ST18: variants seen among roughly 807,000 people sequenced by gnomAD.
The protein encoded by ST18 is ST18 C2H2C-type zinc finger transcription factor.
Under a neutral mutation model 110.0 loss-of-function variants are expected in ST18, and 50 were observed. The observed-to-expected ratio is 0.45, with a 90% CI of 0.36 to 0.58. The LOEUF (loss-of-function observed/expected upper bound fraction) is 0.58. Among genes scored for constraint, ST18 ranks in the 20% least tolerant of loss-of-function variants. The pLI is 0.00. For synonymous variants in ST18, 461 were observed against 452.4 expected (o/e 1.02, Z -0.24); for missense variants, 1,306 against 1,280.1 (o/e 1.02, Z -0.31).
At chr8:52,366,335 T>C (rs73586635) in intron 2 of ST18, among the ~76,000 whole-genome samples, 2 of 152,228 alleles carry the variant, frequency 1.3e-5, no homozygotes, top group African/African-American at 4.8e-5. Context: ...GAGGCAGCTT[T>C]CTAAAACATA....
chr8:52,386,080 C>T (rs1406261116), intron 2 of ST18, among the ~76,000 whole-genome samples: 1 of 152,158 alleles, frequency 6.6e-6, no homozygotes, highest in Non-Finnish European at 1.5e-5. Flanking sequence ...TATACGCAGA[C>T]ATTGATTGTC....
At chr8:52,151,245 G>A (rs1449336725) in intron 15 of ST18, among the ~76,000 whole-genome samples, 1 of 151,918 alleles carries the variant, frequency 6.6e-6, no homozygotes, top group African/African-American at 2.4e-5. Context: ...AGCTGGGCTT[G>A]CTGCTTGTGC....
At chr8:52,341,566 G>A (rs568420082) in intron 2 of ST18, among the ~76,000 whole-genome samples, 5 of 152,302 alleles carry the variant, frequency 3.3e-5, no homozygotes, top group African/African-American at 1.2e-4. Flanking sequence ...CATCCAGGAG[G>A]GCCCAAGGTC....
At chr8:52,244,348 A>G (rs1223158520) in intron 2 of ST18, among the ~76,000 whole-genome samples, 1 of 152,210 alleles carries the variant, frequency 6.6e-6, no homozygotes, top group Non-Finnish European at 1.5e-5. Flanking sequence ...GGGATATTCT[A>G]TTAGTTCTGA....
intron 2 of ST18, among the ~76,000 whole-genome samples, chr8:52,346,151 A>G (rs1223450856): frequency 6.6e-6 from 1 of 151,338 alleles, no homozygotes; most frequent in Non-Finnish European, 1.5e-5. Context: ...GAAAAAGGCC[A>G]TATGTAAAAT....
chr8:52,207,634 G>A (rs560069087), intron 8 of ST18, among the ~76,000 whole-genome samples: 154 of 152,230 alleles, frequency 1.0e-3, no homozygotes, highest in Non-Finnish European at 2.0e-3. Flanking sequence ...ATAAAACAAA[G>A]AGAGAAACTT....
chr8:52,278,279 A>G (rs1356072977), intron 2 of ST18, among the ~76,000 whole-genome samples: 3 of 152,240 alleles, frequency 2.0e-5, no homozygotes. Context: ...CATTATGTAG[A>G]TTCCATTTGC....
chr8:52,211,418 T>G (rs185766542), intron 8 of ST18, among the ~76,000 whole-genome samples: 1 of 143,052 alleles, frequency 7.0e-6, no homozygotes, highest in Non-Finnish European at 1.5e-5. Context: ...ATTATTATTA[T>G]TATTTTGAGA....
At chr8:52,175,667 C>T (rs1461882381) in intron 9 of ST18, among the ~76,000 whole-genome samples, 1 of 152,152 alleles carries the variant, frequency 6.6e-6, no homozygotes, top group Non-Finnish European at 1.5e-5. Flanking sequence ...TGGTGTTCAG[C>T]TGTTTATTTC....
At chr8:52,329,565 G>T (rs551435929) in intron 2 of ST18, among the ~76,000 whole-genome samples, 8 of 152,196 alleles carry the variant, frequency 5.3e-5, no homozygotes, top group African/African-American at 1.9e-4. Flanking sequence ...GACCAACATG[G>T]CCAACATGGC....
chr8:52,299,801 C>G (rs1282572187), intron 2 of ST18, among the ~76,000 whole-genome samples: 1 of 152,210 alleles, frequency 6.6e-6, no homozygotes, highest in East Asian at 1.9e-4. Context: ...AGCTTCACCT[C>G]TGGGTTACAA....
At chr8:52,150,108 T>C in intron 15 of ST18, 131 bp from the exon 16 acceptor site, 1 of 1,265,544 alleles carries the variant, frequency 7.9e-7, no homozygotes, top group Non-Finnish European at 1.1e-6. Flanking sequence ...TCTAGCTTTC[T>C]GATTTGCGTT....
intron 2 of ST18, among the ~76,000 whole-genome samples, chr8:52,234,044 T>C (rs1398795326): frequency 6.6e-6 from 1 of 152,188 alleles, no homozygotes; most frequent in African/African-American, 2.4e-5. Flanking sequence ...TCTGACTCTA[T>C]GTCCAATCCT....
At chr8:52,260,590 T>C (rs1025366770) in intron 2 of ST18, among the ~76,000 whole-genome samples, 1 of 152,166 alleles carries the variant, frequency 6.6e-6, no homozygotes, top group Non-Finnish European at 1.5e-5. Context: ...TTACTCCCTC[T>C]GGATCACATT....
intron 2 of ST18, among the ~76,000 whole-genome samples, chr8:52,378,880 C>A (rs111956980): frequency 0.026 from 3,897 of 152,166 alleles, 59 homozygotes; most frequent in Non-Finnish European, 0.032. Flanking sequence ...CAAACATTGT[C>A]ATGACAAGCA....
chr8:52,193,277 C>T (rs2075167229), intron 8 of ST18, among the ~76,000 whole-genome samples: 1 of 143,544 alleles, frequency 7.0e-6, no homozygotes, highest in South Asian at 2.2e-4. Context: ...ATGGTATGCA[C>T]CTCCTCCTCC....
At chr8:52,264,698 T>C (rs550355444) in intron 2 of ST18, among the ~76,000 whole-genome samples, 2 of 152,194 alleles carry the variant, frequency 1.3e-5, no homozygotes, top group Non-Finnish European at 2.9e-5. Flanking sequence ...AATTGAGTAA[T>C]ATTCAAGAGC....
intron 2 of ST18, among the ~76,000 whole-genome samples, chr8:52,332,863 CAA>C (rs1810249674): frequency 6.6e-6 from 1 of 151,798 alleles, no homozygotes; most frequent in African/African-American, 2.4e-5. Context: ...AACAAACAAA[CAA>C]AATATATATA....
At chr8:52,266,821 T>C (rs2094887416) in intron 2 of ST18, among the ~76,000 whole-genome samples, 1 of 152,176 alleles carries the variant, frequency 6.6e-6, no homozygotes, top group African/African-American at 2.4e-5. Context: ...CCACCGCACC[T>C]GGCCTCTTCC....
Sources: allele counts gnomAD v4.1 joint callset (sites outside exome capture counted in the v4.1 genomes callset), GRCh38; gene constraint gnomAD v4.1.1; transcripts MANE v1.5; gene names NCBI Gene and HGNC (gene_info 2026-07-23, HGNC 2026-07-21).